PDZD7: variants seen among roughly 807,000 people sequenced by gnomAD.
PDZD7 encodes the protein PDZ domain-containing protein 7.
In PDZD7, 72 loss-of-function variants were observed where a neutral mutation model predicts 84.7. The observed-to-expected ratio is 0.85, with a 90% CI of 0.70 to 1.03. The LOEUF is 1.03. Ranked by LOEUF, PDZD7 falls within the 50% of genes least tolerant of loss-of-function variation. PDZD7 has a pLI of 0.00. For synonymous variants in PDZD7, 594 were observed against 580.7 expected, an observed-to-expected ratio of 1.02 and a Z score of -0.33; for missense variants, 1,490 against 1,412.9, an observed-to-expected ratio of 1.05 and a Z score of -0.87.
At chr10:101,029,934 C>A (rs1462425728) in intron 2 of PDZD7, 60 bp downstream of exon 2, 6 of 1,529,858 alleles carry the variant, frequency 3.9e-6, no homozygotes, top group South Asian at 1.1e-5. Context: ...CTGCTGAGTT[C>A]CCATTGTCCC....
At chr10:101,030,543 C>T in intron 1 of PDZD7, 159 bp from the exon 2 acceptor site, 1 of 523,110 alleles carries the variant, frequency 1.9e-6, no homozygotes, top group Non-Finnish European at 3.5e-6. Context: ...GTCCAGGCAC[C>T]ATCTTGGACT....
chr10:101,011,339 C>G, intron 14 of PDZD7: 1 of 456,744 alleles, frequency 2.2e-6, no homozygotes, highest in South Asian at 3.4e-5. Context: ...CCGCGCCCGG[C>G]CTAGAATTAC....
Position 101,018,811 on chromosome 10 carries a change from C to G in PDZD7, c.1324+11G>C, listed in dbSNP as rs751873690. ...TGTGGAGGGAGCAGCCGCCACCCATCCCCCACGTACCCCACAAGGTCAGAT... is the reference window on the plus strand; with the variant it reads ...TGTGGAGGGAGCAGCCGCCACCCATGCCCCACGTACCCCACAAGGTCAGAT... On this transcript the variant is annotated intron_variant, in intron 8 of 16. Transcript: ENST00000619208. 2 of 1,579,002 alleles carry G rather than the reference C, an allele frequency of 1.3e-6. No homozygotes were observed. The highest frequency in any genetic ancestry group is 1.7e-6 in the Non-Finnish European group (2 of 1,159,790).
At chr10:101,022,736 C>T (rs1055234712) in intron 4 of PDZD7, among the ~76,000 whole-genome samples, 3 of 152,016 alleles carry the variant, frequency 2.0e-5, no homozygotes, top group African/African-American at 7.2e-5. Flanking sequence ...GCTGGGACTA[C>T]AGGTACATGC....
intron 1 of PDZD7, 187 bp from the exon 2 acceptor site, chr10:101,030,571 A>T (rs1028508779): frequency 4.4e-6 from 2 of 457,876 alleles, no homozygotes; most frequent in Non-Finnish European, 8.1e-6. Context: ...ACTTTATACA[A>T]GGCAGGTGGG....
intron 11 of PDZD7, 114 bp downstream of exon 11, chr10:101,015,518 ACCAC>A: frequency 8.1e-7 from 1 of 1,229,126 alleles, no homozygotes; most frequent in Non-Finnish European, 1.1e-6. Flanking sequence ...GATTTTACTG[ACCAC>A]TAGCCTCCTG....
Position 101,010,595 on chromosome 10 carries a change from T to C in PDZD7, c.2294A>G (p.Gln765Arg), listed in dbSNP as rs1489304329. The change falls in exon 15 of 17, where the codon CAG (glutamine) becomes CGG (arginine). Residue 765 changes from glutamine to arginine, a missense_variant. By Grantham distance (43) the Gln-to-Arg change is conservative. Coordinates refer to ENST00000619208, the MANE Select transcript of PDZD7 (RefSeq NM_001195263.2). ...PLSREHPPQS[Q>R]IRGRAQSRSR... is the part of the protein sequence containing the mutation. ...ACGGCTCTGAGCCCGGCCCCGGATC[T>C]GGCTCTGCGGAGGGTGCTCTCGGCT... 6.6e-7 allele frequency: 1 copy of C among 1,510,724 alleles called. No individual in the cohort carries two copies. The highest frequency in any genetic ancestry group is 2.5e-5 in the East Asian group (1 of 40,478). 93.6% of individuals were successfully genotyped at this position (1,510,724 alleles called of 1,614,324 possible).
intron 7 of PDZD7, 73 bp from the exon 8 acceptor site, chr10:101,019,290 G>C: frequency 6.6e-7 from 1 of 1,520,558 alleles, no homozygotes; most frequent in East Asian, 2.5e-5. Context: ...ACCACCCTTG[G>C]GCTTAGGGGT....
intron 11 of PDZD7, among the ~76,000 whole-genome samples, chr10:101,012,535 C>T (rs1163957638): frequency 2.6e-5 from 4 of 152,210 alleles, no homozygotes; most frequent in African/African-American, 9.6e-5. Flanking sequence ...CATACTGTCT[C>T]TCAGCAACCA....
intron 13 of PDZD7, 76 bp from the exon 14 acceptor site, chr10:101,011,837 G>A: frequency 1.3e-6 from 2 of 1,550,098 alleles, no homozygotes; most frequent in Non-Finnish European, 1.7e-6. Context: ...AAGGGGCTCG[G>A]CAATCTCTGC....
Position 101,010,654 on chromosome 10 carries a change from G to A in PDZD7, c.2235C>T (p.Pro745=). The change falls in exon 15 of 17, where the codon CCC becomes CCT. Residue 745 remains proline (P), a synonymous_variant. Transcript: ENST00000619208. The stretch of plus-strand genomic sequence containing the variant: ...CTGTCAGCAGCCAGTTAGGCCGCAG[G>A]GGCCGGGGAGCCACGGGGGGTAGCT... ...PPQLPPVAPR[P]LRPNWLLTEP... is the part of the protein sequence containing the mutation. 2 of 1,514,298 alleles carry A rather than the reference G, an allele frequency of 1.3e-6. No individual in the cohort carries two copies. Among genetic ancestry groups the A allele is most frequent in the East Asian group, 2.5e-5 (1 of 40,540 alleles). The allele number at this position is 1,514,298 out of a possible 1,614,324, so 93.8% of individuals were successfully genotyped here. A position where few individuals can be genotyped will look rare whatever the true frequency, so the allele number is the denominator to read the frequency against.
At chr10:101,024,342 C>T (rs1590070728) in intron 2 of PDZD7, among the ~76,000 whole-genome samples, 1 of 152,288 alleles carries the variant, frequency 6.6e-6, no homozygotes, top group East Asian at 1.9e-4. Flanking sequence ...CTCCTGGGCT[C>T]AAGTAACCCT....
chr10:101,016,352 CTTGGTAAAGGGATGCATGAA>C lies in PDZD7; in HGVS notation c.1573+5_1573+24del, dbSNP rs1419358968. The C allele has an allele frequency of 6.5e-7, 1 of 1,550,296 alleles. No homozygotes were observed. The highest frequency in any genetic ancestry group is 8.7e-7 in the Non-Finnish European group (1 of 1,146,892). ...TCTGCCGCTCTACTGTAAACTAGGC[CTTGGTAAAGGGATGCATGAA>C]TTACCACGTCTCAGTCTCCAGGTGA... is the stretch of plus-strand genomic sequence containing the variant. On this transcript the variant is annotated splice_donor_5th_base_variant and intron_variant, in intron 10 of 16. Transcript: ENST00000619208.
chr10:101,023,737 TGA>T, intron 3 of PDZD7, 127 bp from the exon 4 acceptor site: 1 of 1,435,808 alleles, frequency 7.0e-7, no homozygotes, highest in Non-Finnish European at 9.6e-7. Context: ...GAGCAGGGGC[TGA>T]GTGTTCCCAG....
chr10:101,011,973 C>T lies in PDZD7; in HGVS notation c.1885G>A (p.Val629Met), dbSNP rs745881849. The T allele has an allele frequency of 3.2e-6, 5 of 1,550,530 alleles. No individual in the cohort carries two copies. The Admixed American group carries it at 7.8e-5, about 24-fold the overall frequency. ...AAAGCCTCCAGCTCCACAAGCATCACCATGCTGTCGAAGCGGCCCAGGTCT... is the reference window on the plus strand; with the variant it reads ...AAAGCCTCCAGCTCCACAAGCATCATCATGCTGTCGAAGCGGCCCAGGTCT... ...PTDLGRFDSM[V>M]MLVELEAFEA... is the part of the protein sequence containing the mutation. Residue 629 changes from valine (V) to methionine (M), a missense_variant, in exon 13 of 17, where the codon GTG becomes ATG. Val to Met is a conservative substitution (Grantham distance 21). Coordinates refer to ENST00000619208, the MANE Select transcript of PDZD7 (RefSeq NM_001195263.2).
Position 101,030,122 on chromosome 10 carries a change from C to T in PDZD7, c.98G>A (p.Ser33Asn). 1.2e-6 allele frequency: 2 copies of T among 1,614,206 alleles called. No individual in the cohort carries two copies. Among genetic ancestry groups the T allele is most frequent in the Non-Finnish European group, 1.7e-6 (2 of 1,180,048 alleles). Residue 33 changes from serine (S) to asparagine (N), a missense_variant, in exon 2 of 17, where the codon AGC becomes AAC. Physicochemically the swap from Ser to Asn is conservative, Grantham distance 46. Transcript: ENST00000619208. Reference sequence around the variant, plus strand: ...TCGCGTTGCGGTGGAGCCTGAGTCGCTGCCTAGGTGGCCTCGGGAGGAGAG... The same window carrying T: ...TCGCGTTGCGGTGGAGCCTGAGTCGTTGCCTAGGTGGCCTCGGGAGGAGAG... ...SSLSSRGHLG[S>N]DSGSTATRYL...
rs967744541 is a variant in PDZD7, at chr10:101,030,366, A to G, written c.-147T>C. Reference sequence around the variant, plus strand: ...AAGGCCCTCGCTTGCGATGCCTCTCAGAAGTGTGAGCTCCAGGCCTGGGCA... The same window carrying G: ...AAGGCCCTCGCTTGCGATGCCTCTCGGAAGTGTGAGCTCCAGGCCTGGGCA... On this transcript the variant is annotated 5_prime_UTR_variant, in exon 2 of 17. Transcript: ENST00000619208. 6 of 739,002 alleles carry G rather than the reference A, an allele frequency of 8.1e-6. No individual in the cohort carries two copies. The highest frequency in any genetic ancestry group is 6.9e-5 in the African/African-American group (4 of 57,980). 45.8% of individuals were successfully genotyped at this position (739,002 alleles called of 1,614,324 possible). A position where few individuals can be genotyped will look rare whatever the true frequency, so the allele number is the denominator to read the frequency against.
intron 2 of PDZD7, among the ~76,000 whole-genome samples, chr10:101,029,764 C>T (rs1937961846): frequency 6.6e-6 from 1 of 152,210 alleles, no homozygotes; most frequent in Non-Finnish European, 1.5e-5. Context: ...GGCCTTCTTT[C>T]CCTCCTCTGA....
chr10:101,030,163 G>A lies in PDZD7; in HGVS notation c.57C>T (p.Ser19=), dbSNP rs746982179. Residue 19 remains serine (S), a synonymous_variant, in exon 2 of 17, where the codon TCC becomes TCT. Coordinates refer to ENST00000619208, the MANE Select transcript of PDZD7 (RefSeq NM_001195263.2). ...FDPLGLGDLS[S]GSLSSLSSRG... is the part of the protein sequence containing the mutation. ...GGGAGGAGAGGGAGCTCAGAGAGCC[G>A]GAGCTCAGGTCTCCTAGGCCCAGTG... 22 of 1,613,732 alleles carry A rather than the reference G, an allele frequency of 1.4e-5. No homozygotes were observed. The highest frequency in any genetic ancestry group is 1.9e-5 in the Non-Finnish European group (22 of 1,179,962).
Sources: gnomAD v4.1 joint callset for allele counts (sites outside exome capture counted in the v4.1 genomes callset) on GRCh38, gnomAD v4.1.1 for gene constraint, MANE v1.5 for transcripts, NCBI Gene and HGNC (gene_info 2026-07-23, HGNC 2026-07-21) for gene names.